HIPK2: variants seen among roughly 807,000 people sequenced by gnomAD.
HIPK2 encodes homeodomain interacting protein kinase 2.
Under a neutral mutation model 113.7 loss-of-function variants are expected in HIPK2, and 27 were observed. The observed-to-expected ratio is 0.24, with a 90% CI of 0.17 to 0.33. The LOEUF (loss-of-function observed/expected upper bound fraction) is 0.33, where lower values mean the gene tolerates loss of function less well. Among genes scored for constraint, HIPK2 ranks in the 10% least tolerant of loss-of-function variants. The pLI is 1.00. For synonymous variants in HIPK2, 631 were observed against 642.2 expected (o/e 0.98, Z 0.26); for missense variants, 1,257 against 1,588.0 (o/e 0.79, Z 3.54).
At chr7:139,577,200 G>C (rs1798521521) in intron 13 of HIPK2, among the ~76,000 whole-genome samples, 1 of 144,208 alleles carries the variant, frequency 6.9e-6, no homozygotes, top group East Asian at 2.0e-4. Flanking sequence ...CCAGGCTGGA[G>C]TGCAATGGTG....
chr7:139,725,657 G>A (rs954169045), intron 1 of HIPK2, among the ~76,000 whole-genome samples: 5 of 152,116 alleles, frequency 3.3e-5, no homozygotes, highest in African/African-American at 1.2e-4. Context: ...TTCTCCTTTC[G>A]CCTTCTCTCT....
intron 2 of HIPK2, among the ~76,000 whole-genome samples, chr7:139,704,252 C>T (rs1459090477): frequency 9.1e-6 from 1 of 110,246 alleles, no homozygotes; most frequent in African/African-American, 3.6e-5. Flanking sequence ...CACCCCTCCA[C>T]ACCCACACTA....
intron 2 of HIPK2, among the ~76,000 whole-genome samples, chr7:139,654,008 T>G (rs1801566961): frequency 6.6e-6 from 1 of 152,262 alleles, no homozygotes; most frequent in African/African-American, 2.4e-5. Flanking sequence ...GCTAGGATTA[T>G]AGGCGTGAGC....
At position 139,614,700 on chromosome 7, in the gene HIPK2, C is replaced by CA. The variant is rs1799972763; in HGVS notation, c.1783-208dup. Among the ~76,000 whole-genome samples the CA allele has an allele frequency of 2.0e-5, 3 of 152,280 alleles. No individual in the cohort carries two copies. The South Asian group carries it at 6.2e-4, about 32-fold the overall frequency. ...AGCAGGTCCCTGAAAACATGGGAGA[C>CA]AGTCACCTTGGTGTTCACATTCAGA... On this transcript the variant is annotated intron_variant, in intron 7 of 14. Coordinates refer to ENST00000406875, the MANE Select transcript of HIPK2 (RefSeq NM_022740.5).
chr7:139,572,882 CGGGCCATTCTCT>C lies in HIPK2; in HGVS notation c.*33_*44del. 1 of 1,434,674 alleles carries C rather than the reference CGGGCCATTCTCT, an allele frequency of 7.0e-7. No individual in the cohort carries two copies. The allele number at this position is 1,434,674 out of a possible 1,614,324, so 88.9% of individuals were successfully genotyped here. Reference sequence around the variant, plus strand: ...CTCCCTCCTTCTCTCCCTCCTCCCTCGGGCCATTCTCTCCCTCCCTCCCTCCCTCCCTCCCCT... The same window carrying C: ...CTCCCTCCTTCTCTCCCTCCTCCCTCCCCTCCCTCCCTCCCTCCCTCCCCT... On this transcript the variant is annotated 3_prime_UTR_variant, in exon 15 of 15. Transcript: ENST00000406875.
At chr7:139,688,123 C>T (rs1249005832) in intron 2 of HIPK2, among the ~76,000 whole-genome samples, 1 of 152,156 alleles carries the variant, frequency 6.6e-6, no homozygotes, top group African/African-American at 2.4e-5. Context: ...CCCATTGGGC[C>T]TGCAGGGACA....
At position 139,631,296 on chromosome 7, in the gene HIPK2, G is replaced by C; in HGVS notation, c.1228-12C>G. The C allele has an allele frequency of 6.2e-7, 1 of 1,605,194 alleles. No homozygotes were observed. The highest frequency in any genetic ancestry group is 2.2e-5 in the East Asian group (1 of 44,652). ...GAAATATACCGAATCTGCAAGAAAA[G>C]ATAAGAATGAGGTCAGGGCTTTTCC... is the stretch of plus-strand genomic sequence containing the variant. On this transcript the variant is annotated splice_polypyrimidine_tract_variant and intron_variant, in intron 3 of 14. Transcript: ENST00000406875. The surrounding 1 kb of genome is among the most constrained non-coding windows in gnomAD (Gnocchi z 4.9).
At chr7:139,610,114 T>G (rs948003586) in intron 9 of HIPK2, among the ~76,000 whole-genome samples, 1 of 152,196 alleles carries the variant, frequency 6.6e-6, no homozygotes, top group African/African-American at 2.4e-5. Context: ...GGTAAAGTTC[T>G]CCCCTGCTAC....
At chr7:139,674,531 T>C (rs1250982482) in intron 2 of HIPK2, among the ~76,000 whole-genome samples, 1 of 151,872 alleles carries the variant, frequency 6.6e-6, no homozygotes, top group Non-Finnish European at 1.5e-5. Flanking sequence ...AAGAAAGGCA[T>C]GAGGATGGGA....
At position 139,745,721 on chromosome 7, in the gene HIPK2, C is replaced by G. The variant is rs544293594; in HGVS notation, c.20-28706G>C. Among the ~76,000 whole-genome samples the G allele has an allele frequency of 2.0e-5, 3 of 152,256 alleles. No individual in the cohort carries two copies. In the East Asian group the frequency reaches 5.8e-4, roughly 29 times the overall value. On this transcript the variant is annotated intron_variant, in intron 1 of 14. Transcript: ENST00000406875. ...TGGCTCACCTTCCACACCCCCCTCACCCCCCAACTTCCAGGCAGTGGCCAG... is the reference window on the plus strand; with the variant it reads ...TGGCTCACCTTCCACACCCCCCTCAGCCCCCAACTTCCAGGCAGTGGCCAG...
chr7:139,688,749 TC>T (rs200756249), intron 2 of HIPK2, among the ~76,000 whole-genome samples: 2,319 of 152,296 alleles, frequency 0.015, 58 homozygotes, highest in East Asian at 0.13. Context: ...TCACTTTCCC[TC>T]TTCCCACCTC....
intron 1 of HIPK2, among the ~76,000 whole-genome samples, chr7:139,736,266 T>C (rs374378905): frequency 2.0e-5 from 3 of 152,298 alleles, no homozygotes; most frequent in African/African-American, 7.2e-5. Flanking sequence ...CACGATAATG[T>C]GGAAGCCACA....
At chr7:139,744,972 G>T (rs758802586) in intron 1 of HIPK2, among the ~76,000 whole-genome samples, 2 of 152,236 alleles carry the variant, frequency 1.3e-5, no homozygotes, top group Non-Finnish European at 2.9e-5. Context: ...TTTCACAGAT[G>T]AATAAGTAGA....
intron 1 of HIPK2, among the ~76,000 whole-genome samples, chr7:139,745,438 AC>A (rs1796173793): frequency 6.6e-6 from 1 of 152,204 alleles, no homozygotes; most frequent in South Asian, 2.1e-4. Flanking sequence ...TCCATGGGGA[AC>A]CACTTGAGAA....
intron 1 of HIPK2, among the ~76,000 whole-genome samples, chr7:139,735,642 A>G (rs1004488265): frequency 6.6e-6 from 1 of 152,192 alleles, no homozygotes; most frequent in Admixed American, 6.5e-5. Context: ...ATAACTGACC[A>G]CAGAAGGAAG....
At chr7:139,706,944 C>A (rs1349576318) in intron 2 of HIPK2, among the ~76,000 whole-genome samples, 7 of 152,196 alleles carry the variant, frequency 4.6e-5, no homozygotes, top group Admixed American at 2.0e-4. Flanking sequence ...TTCAGAGCCA[C>A]CTCTGACCCT....
intron 2 of HIPK2, among the ~76,000 whole-genome samples, chr7:139,712,530 C>T (rs2116924961): frequency 6.6e-6 from 1 of 152,360 alleles, no homozygotes. Flanking sequence ...ACCTGCAGGA[C>T]AAAGGCCAAC....
intron 12 of HIPK2, among the ~76,000 whole-genome samples, chr7:139,590,878 T>C (rs1334776882): frequency 1.3e-5 from 2 of 152,228 alleles, no homozygotes; most frequent in Admixed American, 1.3e-4. Flanking sequence ...AGGGTCTCAC[T>C]CTGTCATCCA....
chr7:139,722,400 G>A (rs1375788778), intron 1 of HIPK2, among the ~76,000 whole-genome samples: 1 of 152,210 alleles, frequency 6.6e-6, no homozygotes, highest in East Asian at 1.9e-4. Flanking sequence ...TAAAGGCAAT[G>A]AGGGTTCTGA....
Sources: gnomAD v4.1 joint callset for allele counts (sites outside exome capture counted in the v4.1 genomes callset) on GRCh38, gnomAD v4.1.1 for gene constraint, Gnocchi (gnomAD v3.1) non-coding constraint, MANE v1.5 for transcripts, NCBI Gene and HGNC (gene_info 2026-07-23, HGNC 2026-07-21) for gene names.